The following MPDZ variants were observed in gnomAD, a reference collection of about 807,000 sequenced individuals.
MPDZ encodes multiple PDZ domain protein.
A neutral mutation model predicts 239.1 loss-of-function variants in MPDZ; 234 were observed. The observed-to-expected ratio is 0.98, with a 90% CI of 0.88 to 1.09. The LOEUF (loss-of-function observed/expected upper bound fraction) is 1.09. Among genes scored for constraint, MPDZ ranks in the 50% least tolerant of loss-of-function variants. MPDZ has a pLI of 0.00. For synonymous variants in MPDZ, 1,048 were observed against 881.3 expected (o/e 1.19, Z -3.35); for missense variants, 3,175 against 2,510.0 (o/e 1.26, Z -5.66).
At chr9:13,172,889 G>A (rs935939734) in intron 21 of MPDZ, among the ~76,000 whole-genome samples, 2 of 152,166 alleles carry the variant, frequency 1.3e-5, no homozygotes, top group Admixed American at 6.5e-5. Context: ...AGCAACTCAA[G>A]TGTCCATCAG....
At chr9:13,227,432 C>A (rs142179594) in intron 3 of MPDZ, among the ~76,000 whole-genome samples, 1 of 151,826 alleles carries the variant, frequency 6.6e-6, no homozygotes, top group Non-Finnish European at 1.5e-5. Flanking sequence ...GCAGAAGACA[C>A]GCAGCTCAGG....
intron 28 of MPDZ, 148 bp downstream of exon 28, chr9:13,139,839 C>T: frequency 1.0e-6 from 1 of 955,186 alleles, no homozygotes; most frequent in East Asian, 2.4e-5. Context: ...TGTATTCAAG[C>T]AAAACAAACA....
chr9:13,220,588 T>C lies in MPDZ; in HGVS notation c.876+784A>G, dbSNP rs115900141. Among the ~76,000 whole-genome samples, 816 of 152,090 alleles carry C rather than the reference T, an allele frequency of 5.4e-3. 12 individuals carry two copies. The highest frequency in any genetic ancestry group is 0.018 in the African/African-American group (761 of 41,528). ...TTTGATGCTGCTAGATGCTAACTAATGTTTAAAAGGAAGAAAAATTTGCAT... is the reference window on the plus strand; with the variant it reads ...TTTGATGCTGCTAGATGCTAACTAACGTTTAAAAGGAAGAAAAATTTGCAT... On this transcript the variant is annotated intron_variant, in intron 7 of 46. Coordinates refer to ENST00000319217, the MANE Select transcript of MPDZ (RefSeq NM_001378778.1).
In MPDZ at chr9:13,136,115, A is replaced by G; in HGVS notation, c.4360T>C (p.Ser1454Pro). 6.2e-7 allele frequency: 1 copy of G among 1,611,898 alleles called. No homozygotes were observed. Among genetic ancestry groups the G allele is most frequent in the Non-Finnish European group, 8.5e-7 (1 of 1,178,566 alleles). ...ACCTCCTTATTTTGAAGATTTTCTG[A>G]GTTAGAAGGCAAAGGTTCTACTGCA... is the stretch of plus-strand genomic sequence containing the variant. The part of the protein sequence containing the change: ...GNAVEPLPSN[S>P]ENLQNKETEP... Residue 1454 changes from serine to proline, a missense_variant, in exon 31 of 47, where the codon TCA (serine) becomes CCA (proline). Ser to Pro is a moderately conservative substitution (Grantham distance 74). Coordinates refer to ENST00000319217, the MANE Select transcript of MPDZ (RefSeq NM_001378778.1).
intron 22 of MPDZ, among the ~76,000 whole-genome samples, chr9:13,163,740 C>T (rs573177684): frequency 6.6e-6 from 1 of 152,172 alleles, no homozygotes; most frequent in South Asian, 2.1e-4. Context: ...CATAATTTAT[C>T]TGTTAAAATA....
rs4741289 is a variant in MPDZ at position 13,190,164 on chromosome 9, C to T, written c.2104G>A (p.Glu702Lys). The T allele has an allele frequency of 0.013, 21,689 of 1,612,982 alleles. 510 individuals carry two copies. Among genetic ancestry groups the T allele is most frequent in the South Asian group, 0.08 (7,260 of 90,882 alleles). Residue 702 changes from glutamate (E) to lysine (K), a missense_variant, in exon 16 of 47, where the codon GAG becomes AAG. Physicochemically the swap from Glu to Lys is moderately conservative, Grantham distance 56. Transcript: ENST00000319217. Reference sequence around the variant, plus strand: ...AGTCCTTTGCTCCCTTTCTCCAGCTCTATGTGCTGAATGCCAGCCTCCCAC... The same window carrying T: ...AGTCCTTTGCTCCCTTTCTCCAGCTTTATGTGCTGAATGCCAGCCTCCCAC... Reference protein sequence around the residue: ...AMWEAGIQHIELEKGSKGLGF... With the variant: ...AMWEAGIQHIKLEKGSKGLGF...
rs1253556409 is a variant in MPDZ at position 13,229,378 on chromosome 9, A to C, written c.184-4795T>G. Among the ~76,000 whole-genome samples, 4 of 152,212 alleles carry C rather than the reference A, an allele frequency of 2.6e-5. No homozygotes were observed. In the East Asian group the frequency reaches 5.8e-4, roughly 22 times the overall value. ...GCTGACTAGAATGGCATATCATAGC[A>C]AAACAGCTAAAAGCCAAGACAGAAA... On this transcript the variant is annotated intron_variant, in intron 3 of 46. Coordinates refer to ENST00000319217, the MANE Select transcript of MPDZ (RefSeq NM_001378778.1).
At chr9:13,230,783 AAACAAAT>A (rs1247086671) in intron 3 of MPDZ, among the ~76,000 whole-genome samples, 5 of 152,126 alleles carry the variant, frequency 3.3e-5, no homozygotes, top group African/African-American at 4.8e-5. Context: ...GAGGAATTTA[AAACAAAT>A]TTTTAACTGA....
intron 39 of MPDZ, among the ~76,000 whole-genome samples, chr9:13,119,113 T>G (rs1943943164): frequency 6.6e-6 from 1 of 152,198 alleles, no homozygotes; most frequent in African/African-American, 2.4e-5. Flanking sequence ...TTGAGATGAC[T>G]TTTTATTTAT....
rs1975233500 is a variant in MPDZ at position 13,279,623 on chromosome 9, C to G, written c.-281G>C. 6.7e-6 allele frequency: 1 copy of G among 150,014 alleles called. No homozygotes were observed. Among genetic ancestry groups the G allele is most frequent in the Admixed American group, 6.6e-5 (1 of 15,052 alleles). The allele number at this position is 150,014 out of a possible 1,614,324, so 9.3% of individuals were successfully genotyped here. A position where few individuals can be genotyped will look rare whatever the true frequency, so the allele number is the denominator to read the frequency against. On this transcript the variant is annotated 5_prime_UTR_variant, in exon 1 of 47. Coordinates refer to ENST00000319217, the MANE Select transcript of MPDZ (RefSeq NM_001378778.1). ...ACGCCAGCCTAGCGCTCCGCCGCGC[C>G]CCCTCCCCCAGCGCGCGCCGCACTT...
chr9:13,165,077 G>A (rs1054200973), intron 22 of MPDZ, among the ~76,000 whole-genome samples: 3 of 152,080 alleles, frequency 2.0e-5, no homozygotes, highest in Non-Finnish European at 4.4e-5. Flanking sequence ...GACTATTCCT[G>A]CACGTGCAGA....
chr9:13,215,291 T>C (rs979357954), intron 10 of MPDZ, among the ~76,000 whole-genome samples: 1 of 151,804 alleles, frequency 6.6e-6, no homozygotes, highest in Admixed American at 6.6e-5. Flanking sequence ...GTGATAAGAT[T>C]TCCTTCTCTT....
At chr9:13,209,064 C>G (rs546313272) in intron 10 of MPDZ, among the ~76,000 whole-genome samples, 1 of 152,242 alleles carries the variant, frequency 6.6e-6, no homozygotes, top group African/African-American at 2.4e-5. Flanking sequence ...AACTGAATCT[C>G]TGTATGTGTG....
At chr9:13,207,427 A>T (rs989565239) in intron 10 of MPDZ, among the ~76,000 whole-genome samples, 67 of 152,120 alleles carry the variant, frequency 4.4e-4, no homozygotes, top group African/African-American at 1.6e-3. Context: ...TCAGCCACAG[A>T]GGGCTCACTT....
rs756019730 is a variant in MPDZ, at chr9:13,112,133, G to A, written c.5615C>T (p.Ser1872Leu). Reference sequence around the variant, plus strand: ...TCCTCCAGCGATGCTGATTCCCAGTGAGTCAGTAGGGCCCTGCCATGGAAC... The same window carrying A: ...TCCTCCAGCGATGCTGATTCCCAGTAAGTCAGTAGGGCCCTGCCATGGAAC... ...TVEMKKGPTD[S>L]LGISIAGGVG... Residue 1872 changes from serine to leucine, a missense_variant, in exon 43 of 47, where the codon TCA (serine) becomes TTA (leucine). By Grantham distance (145) the Ser-to-Leu change is moderately radical. Transcript: ENST00000319217. 4.3e-6 allele frequency: 7 copies of A among 1,612,670 alleles called. No homozygotes were observed. In the East Asian group the frequency reaches 1.1e-4, roughly 26 times the overall value.
intron 3 of MPDZ, among the ~76,000 whole-genome samples, chr9:13,246,056 A>ACT (rs3079725): frequency 0.98 from 149,638 of 152,202 alleles, 73,606 homozygotes; most frequent in Middle Eastern, 1. Flanking sequence ...ACTTCTTTAC[A>ACT]CTCTGAAAAA....
rs1323098145 is a variant in MPDZ at position 13,190,258 on chromosome 9, T to A, written c.2010A>T (p.Thr670=). 1.9e-6 allele frequency: 3 copies of A among 1,609,636 alleles called. No homozygotes were observed. In the Admixed American group the frequency reaches 5.0e-5, roughly 27 times the overall value. ...DLGEFIGSSE[T]EDPVLAMTDA... ...CAGTCATCGCCAGCACTGGATCCTC[T>A]GTCTCTGATGACCCGATGAACTCAC... The change falls in exon 16 of 47, where the codon ACA becomes ACT. Residue 670 remains threonine (T), a synonymous_variant. Coordinates refer to ENST00000319217, the MANE Select transcript of MPDZ (RefSeq NM_001378778.1).
At chr9:13,172,132 G>C (rs1587489946) in intron 21 of MPDZ, among the ~76,000 whole-genome samples, 1 of 152,110 alleles carries the variant, frequency 6.6e-6, no homozygotes, top group Admixed American at 6.6e-5. Flanking sequence ...TCTGAAATGA[G>C]GTAACAGAGT....
At chr9:13,235,061 C>A (rs917383629) in intron 3 of MPDZ, among the ~76,000 whole-genome samples, 1 of 152,040 alleles carries the variant, frequency 6.6e-6, no homozygotes, top group Non-Finnish European at 1.5e-5. Context: ...GAGAGGCCTC[C>A]TTTTTCATAA....
Sources: gnomAD v4.1 joint callset for allele counts (sites outside exome capture counted in the v4.1 genomes callset) on GRCh38, gnomAD v4.1.1 for gene constraint, MANE v1.5 for transcripts, NCBI Gene and HGNC (gene_info 2026-07-23, HGNC 2026-07-21) for gene names.